AKAP7: variants seen among roughly 807,000 people sequenced by gnomAD.
The protein encoded by AKAP7 is A-kinase anchoring protein 7, also known as A kinase (PRKA) anchor protein 7.
In AKAP7, 39 loss-of-function variants were observed where a neutral mutation model predicts 39.5. The ratio of observed to expected loss-of-function variants is 0.99; its 90% confidence interval spans 0.76 to 1.29. The LOEUF (loss-of-function observed/expected upper bound fraction) is 1.29. AKAP7 is among the 50% of genes most tolerant of loss of function. The pLI is 0.00. For missense variants in AKAP7, 414 were observed against 407.7 expected, an observed-to-expected ratio of 1.02 and a Z score of -0.13; for synonymous variants, 140 against 139.1, an observed-to-expected ratio of 1.01 and a Z score of -0.05.
chr6:131,232,123 G>A (rs749376), intron 7 of AKAP7, among the ~76,000 whole-genome samples: 21,075 of 152,150 alleles, frequency 0.14, 1,840 homozygotes, highest in Middle Eastern at 0.28. Flanking sequence ...CCAACCGTCT[G>A]TTGGTTTCAA....
chr6:131,173,200 CA>C (rs67550717), intron 5 of AKAP7, among the ~76,000 whole-genome samples: 63,016 of 108,638 alleles, frequency 0.58, 15,054 homozygotes, highest in East Asian at 0.76. Context: ...GACTCCATCT[CA>C]AAAAAAAAAA....
intron 7 of AKAP7, among the ~76,000 whole-genome samples, chr6:131,279,461 G>A (rs1815031404): frequency 6.6e-6 from 1 of 152,124 alleles, no homozygotes; most frequent in Non-Finnish European, 1.5e-5. Context: ...TAGAGACAGA[G>A]TTTCACCATG....
At chr6:131,140,059 T>TTAAC (rs1800899527) in intron 1 of AKAP7, among the ~76,000 whole-genome samples, 1 of 152,236 alleles carries the variant, frequency 6.6e-6, no homozygotes, top group African/African-American at 2.4e-5. Flanking sequence ...TTGATTGTTC[T>TTAAC]TAACTGTTCA....
Position 131,194,149 on chromosome 6 carries a change from CT to C in AKAP7, c.590-5304del, listed in dbSNP as rs147384879. 3.3e-5 allele frequency among the ~76,000 whole-genome samples: 5 copies of C among 151,270 alleles called. No individual in the cohort carries two copies. In the South Asian group the frequency reaches 8.3e-4, roughly 25 times the overall value. Reference sequence around the variant, plus strand: ...TTAGGTTATCTATTTAAAAGTTTTGCTTTTTTTTGATGTAGGCACTTAAAAC... The same window carrying C: ...TTAGGTTATCTATTTAAAAGTTTTGCTTTTTTTGATGTAGGCACTTAAAAC... On this transcript the variant is annotated intron_variant, in intron 5 of 7. Transcript: ENST00000431975.
chr6:131,169,085 T>C (rs1164152716), intron 4 of AKAP7, 28 bp from the exon 5 acceptor site: 61 of 1,550,876 alleles, frequency 3.9e-5, no homozygotes, highest in Non-Finnish European at 5.1e-5. Context: ...CTTAATGTGT[T>C]ACTGAAAAAT....
chr6:131,201,468 G>T (rs1416375775), intron 6 of AKAP7, among the ~76,000 whole-genome samples: 1 of 152,102 alleles, frequency 6.6e-6, no homozygotes, highest in African/African-American at 2.4e-5. Flanking sequence ...ATTTGTTTGA[G>T]TTCCTTGTAG....
intron 4 of AKAP7, among the ~76,000 whole-genome samples, 172 bp downstream of exon 4, chr6:131,165,389 A>G (rs541869682): frequency 5.0e-4 from 76 of 152,292 alleles, no homozygotes; most frequent in African/African-American, 1.8e-3. Flanking sequence ...TTTTTAATCT[A>G]AACTTTTAAA....
chr6:131,215,341 G>C (rs558391524), intron 6 of AKAP7, among the ~76,000 whole-genome samples: 3 of 152,220 alleles, frequency 2.0e-5, no homozygotes, highest in Admixed American at 2.0e-4. Context: ...AGGCCGCAAG[G>C]CCGTTCTCAC....
intron 5 of AKAP7, chr6:131,184,288 A>G: frequency 1.8e-6 from 1 of 545,586 alleles, no homozygotes; most frequent in East Asian, 4.4e-5. Context: ...GGAGAGAAAC[A>G]GCCTTAGATA....
At chr6:131,236,937 A>G (rs9483233) in intron 7 of AKAP7, among the ~76,000 whole-genome samples, 4,127 of 152,204 alleles carry the variant, frequency 0.027, 126 homozygotes, top group African/African-American at 0.074. Flanking sequence ...AACTTCCAAC[A>G]TTATGTTGAA....
chr6:131,225,063 G>A (rs543685333), intron 7 of AKAP7, among the ~76,000 whole-genome samples: 1 of 151,940 alleles, frequency 6.6e-6, no homozygotes, highest in Admixed American at 6.6e-5. Context: ...GCCTCCAGTT[G>A]ATTTACTTTC....
chr6:131,260,632 C>A (rs1813234656), intron 7 of AKAP7, among the ~76,000 whole-genome samples: 1 of 151,970 alleles, frequency 6.6e-6, no homozygotes, highest in Non-Finnish European at 1.5e-5. Context: ...TGTCTTTTGC[C>A]CACTTTTTAA....
intron 1 of AKAP7, among the ~76,000 whole-genome samples, chr6:131,137,919 A>G (rs1156596645): frequency 1.3e-5 from 2 of 152,256 alleles, no homozygotes; most frequent in African/African-American, 4.8e-5. Context: ...ATTGTAAATC[A>G]TAGAGCATAT....
At chr6:131,205,588 T>C (rs528345181) in intron 6 of AKAP7, among the ~76,000 whole-genome samples, 1 of 152,314 alleles carries the variant, frequency 6.6e-6, no homozygotes, top group Non-Finnish European at 1.5e-5. Flanking sequence ...TCAAATGTCC[T>C]GATGTGAAAC....
chr6:131,230,359 A>G (rs1005940149), intron 7 of AKAP7, among the ~76,000 whole-genome samples: 3 of 152,008 alleles, frequency 2.0e-5, no homozygotes, highest in African/African-American at 7.2e-5. Flanking sequence ...AATGTGGAGC[A>G]TTTTTTCATA....
Position 131,282,061 on chromosome 6 carries a change from C to T in AKAP7, c.*335C>T. On this transcript the variant is annotated 3_prime_UTR_variant, in exon 8 of 8. Coordinates refer to ENST00000431975, the MANE Select transcript of AKAP7 (RefSeq NM_016377.4). ...AAGAGGCCTTGCCATCAATGGAATA[C>T]TGCCATTTATATTGCTTAGCAGGGC... 1 of 1,137,496 alleles carries T rather than the reference C, an allele frequency of 8.8e-7. No homozygotes were observed. 70.5% of individuals were successfully genotyped at this position (1,137,496 alleles called of 1,614,324 possible). A position where few individuals can be genotyped will look rare whatever the true frequency, so the allele number is the denominator to read the frequency against.
chr6:131,264,208 C>T (rs898007503), intron 7 of AKAP7, among the ~76,000 whole-genome samples: 5 of 152,108 alleles, frequency 3.3e-5, no homozygotes, highest in African/African-American at 2.4e-5. Context: ...TGGATGATTG[C>T]GACGTTTACC....
chr6:131,172,011 T>G (rs1285813737), intron 5 of AKAP7, among the ~76,000 whole-genome samples: 1 of 152,092 alleles, frequency 6.6e-6, no homozygotes, highest in East Asian at 1.9e-4. Context: ...ATATTGGATT[T>G]TATGAATTGA....
chr6:131,228,444 A>G (rs1810369602), intron 7 of AKAP7, among the ~76,000 whole-genome samples: 1 of 152,146 alleles, frequency 6.6e-6, no homozygotes. Context: ...TATGTGCCTC[A>G]TTGTGCTTAT....
Sources: allele counts gnomAD v4.1 joint callset (sites outside exome capture counted in the v4.1 genomes callset), GRCh38; gene constraint gnomAD v4.1.1; transcripts MANE v1.5; gene names NCBI Gene and HGNC (gene_info 2026-07-23, HGNC 2026-07-21).